Variants in CASZ1 observed in about 807,000 individuals in gnomAD.
CASZ1 encodes zinc finger protein castor homolog 1.
Under a neutral mutation model 135.2 loss-of-function variants are expected in CASZ1, and 28 were observed. The observed-to-expected ratio is 0.21, with a 90% CI of 0.15 to 0.28. The LOEUF is 0.28. Ranked by LOEUF, CASZ1 falls within the 10% of genes least tolerant of loss-of-function variation. The pLI is 1.00. For missense variants in CASZ1, 2,161 were observed against 2,453.3 expected, an observed-to-expected ratio of 0.88 and a Z score of 2.52; for synonymous variants, 1,068 against 1,073.4, an observed-to-expected ratio of 0.99 and a Z score of 0.10.
Position 10,659,969 on chromosome 1 carries a change from T to C in CASZ1, c.1073A>G (p.Asp358Gly), listed in dbSNP as rs1167655720. 2 of 1,613,260 alleles carry C rather than the reference T, an allele frequency of 1.2e-6. No individual in the cohort carries two copies. Among genetic ancestry groups the C allele is most frequent in the African/African-American group, 1.3e-5 (1 of 74,906 alleles). The change falls in exon 6 of 21, where the codon GAC (aspartate) becomes GGC (glycine). Residue 358 changes from aspartate to glycine, a missense_variant. This residue lies in a region of CASZ1 where 590 missense variants were observed against 609.8 expected (regional missense o/e 0.97). Coordinates refer to ENST00000377022, the MANE Select transcript of CASZ1 (RefSeq NM_001079843.3). The stretch of plus-strand genomic sequence containing the variant: ...CTTGAAGGCGATGGCCCCGCCCATG[T>C]CGGGGCTGCCCTCCCCGGGTTTGAA... ...HLFKPGEGSPDMGGAIAFKTG... is the reference protein window; with the variant it reads ...HLFKPGEGSPGMGGAIAFKTG...
At chr1:10,770,718 A>G (rs1223185208) in intron 1 of CASZ1, among the ~76,000 whole-genome samples, 3 of 152,294 alleles carry the variant, frequency 2.0e-5, no homozygotes, top group Admixed American at 2.0e-4. Flanking sequence ...GCTTCCTCCC[A>G]GCCCCACCCC....
chr1:10,783,997 A>G (rs1461112374), intron 1 of CASZ1, among the ~76,000 whole-genome samples: 1 of 151,778 alleles, frequency 6.6e-6, no homozygotes, highest in African/African-American at 2.4e-5. Context: ...ATCAATGATC[A>G]CAAGAACCCC....
At chr1:10,764,141 G>T (rs1640429210) in intron 1 of CASZ1, among the ~76,000 whole-genome samples, 1 of 152,178 alleles carries the variant, frequency 6.6e-6, no homozygotes, top group South Asian at 2.1e-4. Flanking sequence ...GGGATTACAG[G>T]TGTGAACCAC....
At chr1:10,718,175 A>G (rs1420551567) in intron 2 of CASZ1, among the ~76,000 whole-genome samples, 1 of 152,066 alleles carries the variant, frequency 6.6e-6, no homozygotes, top group Non-Finnish European at 1.5e-5. Context: ...CTGCTAAGTG[A>G]GAGATGTTCC....
chr1:10,660,516 C>T lies in CASZ1; in HGVS notation c.526G>A (p.Asp176Asn), dbSNP rs1418541507. 1.2e-6 allele frequency: 2 copies of T among 1,613,172 alleles called. No homozygotes were observed. Among genetic ancestry groups the T allele is most frequent in the East Asian group, 2.2e-5 (1 of 44,852 alleles). ...QASGEASSLRDYAASTMTEFL... is the reference protein window; with the variant it reads ...QASGEASSLRNYAASTMTEFL... ...TCGGTCATGGTGGAGGCCGCGTAGT[C>T]CCGCAGCGAGGAGGCCTCTCCTGCA... Residue 176 changes from aspartate (D) to asparagine (N), a missense_variant, in exon 6 of 21, where the codon GAC becomes AAC. Coordinates refer to ENST00000377022, the MANE Select transcript of CASZ1 (RefSeq NM_001079843.3).
At chr1:10,695,897 C>G (rs898263573) in intron 3 of CASZ1, among the ~76,000 whole-genome samples, 6 of 152,024 alleles carry the variant, frequency 3.9e-5, no homozygotes, top group African/African-American at 1.4e-4. Flanking sequence ...AAGGAAGGAC[C>G]TGGTTCTCCG....
chr1:10,693,839 GA>G (rs778544318), intron 4 of CASZ1, 34 bp downstream of exon 4: 3 of 1,600,330 alleles, frequency 1.9e-6, no homozygotes, highest in African/African-American at 1.3e-5. Context: ...AAAGAAAAGT[GA>G]AAGAGCCGCC....
At chr1:10,738,918 G>GT (rs752101102) in intron 2 of CASZ1, among the ~76,000 whole-genome samples, 4,595 of 69,100 alleles carry the variant, frequency 0.066, 525 homozygotes, top group Admixed American at 0.082. Flanking sequence ...ATGAAGGAAG[G>GT]TTTTTTTTTT....
chr1:10,791,585 G>C (rs754254165), intron 1 of CASZ1, among the ~76,000 whole-genome samples: 4 of 152,148 alleles, frequency 2.6e-5, no homozygotes, highest in African/African-American at 4.8e-5. Context: ...CACTGCTGAG[G>C]GCTGCGAGAA....
intron 13 of CASZ1, 85 bp from the exon 14 acceptor site, chr1:10,649,522 GGCT>G (rs1642490814): frequency 6.8e-7 from 1 of 1,460,954 alleles, no homozygotes; most frequent in African/African-American, 1.4e-5. Flanking sequence ...CGAAGCTCTG[GGCT>G]GCTGGGACCC....
In CASZ1 at chr1:10,638,934, G is replaced by A. The variant is rs1018548425; in HGVS notation, c.*8C>T. ...CGAGGCCGCCGCCAGGGCCACCCGC[G>A]GGCGCCGCTAGGGCGAGGAGGCTGC... On this transcript the variant is annotated 3_prime_UTR_variant, in exon 21 of 21. Transcript: ENST00000377022. This position sits in a 1 kb window ranked among gnomAD's most constrained non-coding sequence, Gnocchi z 5.9. 103 of 980,742 alleles carry A rather than the reference G, an allele frequency of 1.1e-4. No individual in the cohort carries two copies. In the African/African-American group the frequency reaches 1.6e-3, roughly 15 times the overall value. The allele number at this position is 980,742 out of a possible 1,614,324, so 60.8% of individuals were successfully genotyped here.
At chr1:10,728,011 T>G (rs772923469) in intron 2 of CASZ1, among the ~76,000 whole-genome samples, 2 of 152,056 alleles carry the variant, frequency 1.3e-5, no homozygotes, top group Non-Finnish European at 2.9e-5. Context: ...GAACGAGGGG[T>G]CCTACCACCG....
chr1:10,746,459 T>C (rs1278824968), intron 2 of CASZ1, among the ~76,000 whole-genome samples: 4 of 151,746 alleles, frequency 2.6e-5, no homozygotes, highest in Non-Finnish European at 5.9e-5. Context: ...AAAAAGAAAA[T>C]GAAAGTAGGA....
Position 10,645,005 on chromosome 1 carries a change from G to C in CASZ1, c.3780C>G (p.Pro1260=), listed in dbSNP as rs1276256681. 7 of 1,613,978 alleles carry C rather than the reference G, an allele frequency of 4.3e-6. No individual in the cohort carries two copies. In the Admixed American group the frequency reaches 1.2e-4, roughly 27 times the overall value. Residue 1260 remains proline, a synonymous_variant, in exon 18 of 21, where the codon CCC becomes CCG. Coordinates refer to ENST00000377022, the MANE Select transcript of CASZ1 (RefSeq NM_001079843.3). ...CCTTCTCATGCTTCTTGATGTGCCAGGGGAGCTTGGTGGTGATGTTGGTCA... is the reference window on the plus strand; with the variant it reads ...CCTTCTCATGCTTCTTGATGTGCCACGGGAGCTTGGTGGTGATGTTGGTCA... ...YFVTNITTKL[P]WHIKKHEKAE...
chr1:10,655,754 G>C lies in CASZ1; in HGVS notation c.1560C>G (p.Asn520Lys), dbSNP rs755604040. 6.2e-7 allele frequency: 1 copy of C among 1,614,102 alleles called. No individual in the cohort carries two copies. Among genetic ancestry groups the C allele is most frequent in the Non-Finnish European group, 8.5e-7 (1 of 1,180,010 alleles). The change falls in exon 9 of 21, where the codon AAC (asparagine) becomes AAG (lysine). Residue 520 changes from asparagine to lysine, a missense_variant. This residue lies in a region of CASZ1 where 248 missense variants were observed against 410.8 expected (regional missense o/e 0.60). Transcript: ENST00000377022. ...AACGCATGAAGCCGTGCTGCAGGGA[G>C]TTGTCGCGCTTCTTGTGCATGTTGT... ...RHYNMHKKRD[N>K]SLQHGFMRFS...
In CASZ1 at chr1:10,638,974, CG is replaced by C; in HGVS notation, c.5247del (p.Gly1750AlafsTer93). 1 of 981,178 alleles carries C rather than the reference CG, an allele frequency of 1.0e-6. No homozygotes were observed. The highest frequency in any genetic ancestry group is 1.2e-6 in the Non-Finnish European group (1 of 828,646). 60.8% of individuals were successfully genotyped at this position (981,178 alleles called of 1,614,324 possible). ...GAGGAGGCTGCAGTGGGCGCGGGGC[CG>C]GGGGCGCCCAGGGCCGCCAGCGCCG... is the stretch of plus-strand genomic sequence containing the variant. ...ALAALAALGA[P>X]GPAPTAASSP On this transcript the variant is annotated frameshift_variant, in exon 21 of 21. Transcript: ENST00000377022. LOFTEE classifies it high-confidence loss of function. The surrounding 1 kb of genome is among the most constrained non-coding windows in gnomAD (Gnocchi z 5.9).
intron 20 of CASZ1, among the ~76,000 whole-genome samples, chr1:10,640,844 G>C (rs1221762304): frequency 6.6e-6 from 1 of 152,190 alleles, no homozygotes; most frequent in Non-Finnish European, 1.5e-5. Context: ...CTGGGATTTA[G>C]GATGCCCCCC....
intron 3 of CASZ1, among the ~76,000 whole-genome samples, chr1:10,695,040 C>T (rs1206800852): frequency 6.7e-6 from 1 of 150,318 alleles, no homozygotes; most frequent in Non-Finnish European, 1.5e-5. Flanking sequence ...GCCGCGGGGC[C>T]GCGCCCGCCA....
At chr1:10,738,981 A>G (rs1416907762) in intron 2 of CASZ1, among the ~76,000 whole-genome samples, 1 of 98,512 alleles carries the variant, frequency 1.0e-5, no homozygotes, top group Non-Finnish European at 1.8e-5. Flanking sequence ...CAGCAATTTT[A>G]TGCTGTCAAA....
Sources: gnomAD v4.1 joint callset for allele counts (sites outside exome capture counted in the v4.1 genomes callset) on GRCh38, gnomAD v4.1.1 for gene constraint, gnomAD v4.1.1 regional missense constraint, Gnocchi (gnomAD v3.1) non-coding constraint, MANE v1.5 for transcripts, NCBI Gene and HGNC (gene_info 2026-07-23, HGNC 2026-07-21) for gene names.